RHBDD1: variants seen among roughly 807,000 people sequenced by gnomAD.
The protein encoded by RHBDD1 is rhomboid-related protein 4.
RHBDD1 carries 38 observed loss-of-function variants against 36.3 expected under a neutral mutation model. The ratio of observed to expected loss-of-function variants is 1.05; its 90% CI spans 0.81 to 1.37. The LOEUF (loss-of-function observed/expected upper bound fraction) is 1.37, where lower values mean the gene tolerates loss of function less well. Ranked by LOEUF, RHBDD1 falls within the 40% of genes most tolerant of loss-of-function variation. RHBDD1 has a pLI of 0.00. For synonymous variants in RHBDD1, 151 were observed against 136.5 expected (o/e 1.11, Z -0.74); for missense variants, 393 against 377.6 (o/e 1.04, Z -0.34).
At chr2:226,932,785 C>T (rs1038206060) in intron 8 of RHBDD1, among the ~76,000 whole-genome samples, 1 of 151,920 alleles carries the variant, frequency 6.6e-6, no homozygotes, top group Non-Finnish European at 1.5e-5. Flanking sequence ...GCCCCTCCCC[C>T]GGATTTAGAG....
the RHBDD1 span, among the ~76,000 whole-genome samples, chr2:226,823,812 C>T: frequency 6.6e-6 from 1 of 152,160 alleles, no homozygotes; most frequent in Non-Finnish European, 1.5e-5. Context: ...CTTCTGATGG[C>T]CTTCGTGCTG....
chr2:226,831,096 T>C (rs1478509700), upstream of RHBDD1, among the ~76,000 whole-genome samples: 2 of 152,208 alleles, frequency 1.3e-5, no homozygotes, highest in South Asian at 2.1e-4. Context: ...GATCTTGTAA[T>C]GTCTTTGTCT....
chr2:226,995,815 C>G lies in RHBDD1; in HGVS notation c.*293C>G. On this transcript the variant is annotated 3_prime_UTR_variant, in exon 9 of 9. Coordinates refer to ENST00000392062, the MANE Select transcript of RHBDD1 (RefSeq NM_001167608.3). ...ACTGCTGACTCAGCGATGCCTCTGC[C>G]TCGGTCTGCTTTTGAAGACTGTGAC... The G allele has an allele frequency of 2.6e-6, 1 of 391,240 alleles. No homozygotes were observed. Among genetic ancestry groups the G allele is most frequent in the South Asian group, 4.4e-5 (1 of 22,524 alleles). 24.2% of individuals were successfully genotyped at this position (391,240 alleles called of 1,614,324 possible).
At chr2:226,912,578 T>C (rs1948597936) in intron 7 of RHBDD1, among the ~76,000 whole-genome samples, 1 of 152,142 alleles carries the variant, frequency 6.6e-6, no homozygotes, top group African/African-American at 2.4e-5. Flanking sequence ...CTGGAAAATA[T>C]ACTAAGTGAA....
At chr2:226,872,971 G>T (rs1202722990) in intron 5 of RHBDD1, among the ~76,000 whole-genome samples, 1 of 152,150 alleles carries the variant, frequency 6.6e-6, no homozygotes, top group Non-Finnish European at 1.5e-5. Flanking sequence ...TCTAATTTCA[G>T]TTTTGACTAT....
chr2:226,925,396 A>C (rs1388894266), intron 8 of RHBDD1, among the ~76,000 whole-genome samples: 3 of 152,254 alleles, frequency 2.0e-5, no homozygotes, highest in Non-Finnish European at 4.4e-5. Context: ...AATATTAGGC[A>C]TCTATTAAAA....
rs535306615 is a variant in RHBDD1 at position 226,851,130 on chromosome 2, C to T, written c.-91+11503C>T. On this transcript the variant is annotated intron_variant, in intron 3 of 8. Coordinates refer to ENST00000392062, the MANE Select transcript of RHBDD1 (RefSeq NM_001167608.3). ...TCAGTATGTTATTTGTTTTGGGTCC[C>T]ATTGATGACCTTGTTAACATTCAGC... is the stretch of plus-strand genomic sequence containing the variant. Among the ~76,000 whole-genome samples the T allele has an allele frequency of 1.6e-3, 251 of 152,148 alleles. 1 individual carries two copies. The highest frequency in any genetic ancestry group is 3.1e-3 in the Admixed American group (47 of 15,300).
intron 1 of RHBDD1, among the ~76,000 whole-genome samples, chr2:226,836,979 T>C (rs2124901035): frequency 6.6e-6 from 1 of 152,358 alleles, no homozygotes. Flanking sequence ...ACTTGGGAAC[T>C]TCTTGGAAAT....
At chr2:226,836,828 C>T (rs532970666) in intron 1 of RHBDD1, among the ~76,000 whole-genome samples, 1 of 152,118 alleles carries the variant, frequency 6.6e-6, no homozygotes, top group Non-Finnish European at 1.5e-5. Flanking sequence ...AGTTGTGTGT[C>T]TTTTTGAGGT....
At chr2:226,820,975 C>A in the RHBDD1 span, among the ~76,000 whole-genome samples, 1 of 152,150 alleles carries the variant, frequency 6.6e-6, no homozygotes, top group Admixed American at 6.5e-5. Context: ...ATCAGTCAAA[C>A]CTTCCCTCTG....
At chr2:226,854,097 T>C (rs145301001) in intron 3 of RHBDD1, among the ~76,000 whole-genome samples, 65 of 152,322 alleles carry the variant, frequency 4.3e-4, no homozygotes, top group African/African-American at 1.5e-3. Context: ...AAGACCTTGA[T>C]TCCTGGGATG....
At chr2:226,955,910 T>TG (rs910368520) in intron 8 of RHBDD1, among the ~76,000 whole-genome samples, 1 of 152,058 alleles carries the variant, frequency 6.6e-6, no homozygotes, top group African/African-American at 2.4e-5. Flanking sequence ...AATGAATTGG[T>TG]GGGGGGGACA....
At chr2:226,991,463 A>G (rs990735996) in intron 8 of RHBDD1, among the ~76,000 whole-genome samples, 1 of 152,230 alleles carries the variant, frequency 6.6e-6, no homozygotes, top group Non-Finnish European at 1.5e-5. Context: ...TACAGGCATG[A>G]GCCACCATGC....
At chr2:226,875,687 A>G (rs1945172977) in intron 5 of RHBDD1, among the ~76,000 whole-genome samples, 1 of 151,870 alleles carries the variant, frequency 6.6e-6, no homozygotes, top group Non-Finnish European at 1.5e-5. Context: ...ATGATGAGAT[A>G]GACTGCTCTT....
chr2:226,983,161 G>T (rs1157342167), intron 8 of RHBDD1, among the ~76,000 whole-genome samples: 1 of 152,128 alleles, frequency 6.6e-6, no homozygotes, highest in Admixed American at 6.5e-5. Context: ...TGGGCATCCA[G>T]CTCACTTGAG....
upstream of RHBDD1, among the ~76,000 whole-genome samples, chr2:226,834,787 A>ATT (rs1017425640): frequency 6.8e-6 from 1 of 147,760 alleles, no homozygotes; most frequent in African/African-American, 2.5e-5. Flanking sequence ...AAATAGTAAG[A>ATT]TTTTTTTTTT....
chr2:226,927,896 G>C (rs1341413625), intron 8 of RHBDD1, among the ~76,000 whole-genome samples: 2 of 152,056 alleles, frequency 1.3e-5, no homozygotes, highest in Non-Finnish European at 2.9e-5. Flanking sequence ...CCCTGAGTCT[G>C]TGGCTTTTTC....
intron 5 of RHBDD1, among the ~76,000 whole-genome samples, chr2:226,902,486 C>G (rs1227429011): frequency 6.6e-6 from 1 of 152,166 alleles, no homozygotes; most frequent in Non-Finnish European, 1.5e-5. Flanking sequence ...ATGTGGGTAT[C>G]TCTTAGAGGG....
At chr2:226,802,896 T>C in the RHBDD1 span, among the ~76,000 whole-genome samples, 3 of 152,188 alleles carry the variant, frequency 2.0e-5, no homozygotes, top group Non-Finnish European at 4.4e-5. Flanking sequence ...TAAAATTGAG[T>C]TATTGGTTTA....
Sources: gnomAD v4.1 joint callset for allele counts (sites outside exome capture counted in the v4.1 genomes callset) on GRCh38, gnomAD v4.1.1 for gene constraint, MANE v1.5 for transcripts, NCBI Gene and HGNC (gene_info 2026-07-23, HGNC 2026-07-21) for gene names.